NAA25: variants seen among roughly 807,000 people sequenced by gnomAD.
The protein encoded by NAA25 is N-alpha-acetyltransferase 25, NatB auxiliary subunit.
NAA25 carries 30 observed loss-of-function variants against 132.5 expected under a neutral mutation model. The ratio of observed to expected loss-of-function variants is 0.23; its 90% CI spans 0.17 to 0.31. The LOEUF (loss-of-function observed/expected upper bound fraction) is 0.31, where lower values mean the gene tolerates loss of function less well. Ranked by LOEUF, NAA25 falls within the 10% of genes least tolerant of loss-of-function variation. NAA25 has a pLI of 1.00. For missense variants in NAA25, 771 were observed against 1,150.4 expected (o/e 0.67, Z 4.77); for synonymous variants, 359 against 401.9 (o/e 0.89, Z 1.28).
At chr12:112,100,614 C>CTTTTTTTTTTTT (rs71083200) in intron 1 of NAA25, among the ~76,000 whole-genome samples, 2 of 100,628 alleles carry the variant, frequency 2.0e-5, no homozygotes, top group African/African-American at 4.0e-5. Context: ...ATTCCATTGT[C>CTTTTTTTTTTTT]TTTTTTTTTT....
rs1193128105 is a variant in NAA25 at position 112,092,240 on chromosome 12, C to CA, written c.144+810dup. 6.6e-4 allele frequency among the ~76,000 whole-genome samples: 88 copies of CA among 133,628 alleles called. No individual in the cohort carries two copies. The East Asian group carries it at 0.011, about 17-fold the overall frequency. The allele number at this position is 133,628 out of a possible 152,430, so 87.7% of individuals were successfully genotyped here. A position where few individuals can be genotyped will look rare whatever the true frequency, so the allele number is the denominator to read the frequency against. ...TGGGCAACACAGCAAGACTCCATCT[C>CA]AAAAAAGAAAAAAAAAACGAAAAAA... is the stretch of plus-strand genomic sequence containing the variant. On this transcript the variant is annotated intron_variant, in intron 2 of 23. Transcript: ENST00000261745.
At chr12:112,066,594 C>A (rs754784812) in intron 11 of NAA25, among the ~76,000 whole-genome samples, 1 of 152,224 alleles carries the variant, frequency 6.6e-6, no homozygotes, top group Non-Finnish European at 1.5e-5. Context: ...CTCCACTCAA[C>A]CATTTTTCCC....
intron 17 of NAA25, among the ~76,000 whole-genome samples, chr12:112,045,284 G>A (rs11831859): frequency 6.6e-6 from 1 of 152,008 alleles, no homozygotes; most frequent in Admixed American, 6.6e-5. Flanking sequence ...GAGGTCAGGA[G>A]ATCGAGACCA....
chr12:112,062,087 G>T (rs1222348685), intron 11 of NAA25, among the ~76,000 whole-genome samples: 1 of 152,050 alleles, frequency 6.6e-6, no homozygotes, highest in Non-Finnish European at 1.5e-5. Flanking sequence ...ATCCTATTAA[G>T]ATGCCAGTAA....
intron 4 of NAA25, among the ~76,000 whole-genome samples, chr12:112,086,069 TATATAC>T (rs1263731465): frequency 3.4e-5 from 2 of 58,468 alleles, no homozygotes; most frequent in East Asian, 3.7e-3. Flanking sequence ...TATATATATA[TATATAC>T]ACACACACAC....
intron 1 of NAA25, among the ~76,000 whole-genome samples, chr12:112,106,832 A>AATCCCAGC (rs942750443): frequency 1.3e-5 from 2 of 151,938 alleles, no homozygotes; most frequent in African/African-American, 4.8e-5. Flanking sequence ...GGGCACCTGT[A>AATCCCAGC]ATCCCAGCTA....
At chr12:112,039,094 A>C (rs1795365693) in intron 22 of NAA25, 135 bp downstream of exon 22, 1 of 489,280 alleles carries the variant, frequency 2.0e-6, no homozygotes, top group Admixed American at 4.0e-5. Flanking sequence ...ACGCATTCAA[A>C]GTCATCGTGG....
chr12:112,102,172 CAA>C (rs2079304844), intron 1 of NAA25, among the ~76,000 whole-genome samples: 1 of 151,918 alleles, frequency 6.6e-6, no homozygotes, highest in Admixed American at 6.6e-5. Flanking sequence ...GCCTGGGCGA[CAA>C]GAGTGAAACT....
Position 112,054,462 on chromosome 12 carries a change from C to T in NAA25, c.1554G>A (p.Met518Ile). 6.2e-7 allele frequency: 1 copy of T among 1,614,138 alleles called. No homozygotes were observed. Among genetic ancestry groups the T allele is most frequent in the South Asian group, 1.1e-5 (1 of 91,084 alleles). Reference protein sequence around the residue: ...FKLLLVRIYCMLGAFEPVVDL... With the variant: ...FKLLLVRIYCILGAFEPVVDL... ...CCACCACTGGTTCAAATGCACCCAG[C>T]ATACAGTAGATTCGAACAAGCAGCA... The change falls in exon 14 of 24, where the codon ATG becomes ATA. Residue 518 changes from methionine (M) to isoleucine (I), a missense_variant. Physicochemically the swap from Met to Ile is conservative, Grantham distance 10. Around this residue, in one of 3 missense-constraint regions of NAA25, gnomAD observed 417 missense variants for 733.8 expected, o/e 0.57. Coordinates refer to ENST00000261745, the MANE Select transcript of NAA25 (RefSeq NM_024953.4).
chr12:112,097,104 C>T (rs1169913500), intron 1 of NAA25: 1 of 152,194 alleles, frequency 6.6e-6, no homozygotes, highest in East Asian at 1.9e-4. Flanking sequence ...CAGCCCACCC[C>T]AGGTTGGACA....
At chr12:112,075,450 A>G (rs904476567) in intron 8 of NAA25, among the ~76,000 whole-genome samples, 2 of 152,158 alleles carry the variant, frequency 1.3e-5, no homozygotes, top group Admixed American at 1.3e-4. Flanking sequence ...TGGCCTCTCA[A>G]AGTGCTGGGA....
In NAA25 at chr12:112,048,461, C is replaced by T; in HGVS notation, c.1729-18G>A. ...TCTGAGGTCTGAGAAGGAAAGACAT[C>T]ACCTTGGTATAAATAGTTCACAAGT... On this transcript the variant is annotated intron_variant, in intron 15 of 23. Coordinates refer to ENST00000261745, the MANE Select transcript of NAA25 (RefSeq NM_024953.4). 1.9e-6 allele frequency: 3 copies of T among 1,611,210 alleles called. No individual in the cohort carries two copies. Among genetic ancestry groups the T allele is most frequent in the Non-Finnish European group, 2.5e-6 (3 of 1,177,894 alleles).
intron 17 of NAA25, among the ~76,000 whole-genome samples, chr12:112,046,256 T>C (rs2078379495): frequency 6.6e-6 from 1 of 152,208 alleles, no homozygotes; most frequent in Non-Finnish European, 1.5e-5. Context: ...GCAGGAACAT[T>C]CCACCTGTGT....
chr12:112,029,534 A>T lies in NAA25; in HGVS notation c.2916T>A (p.Ile972=). The change falls in exon 24 of 24, where the codon ATT becomes ATA. Residue 972 remains isoleucine (I), a synonymous_variant. Coordinates refer to ENST00000261745, the MANE Select transcript of NAA25 (RefSeq NM_024953.4). ...AGTGCCCATGATAGATACTTCCTTA[A>T]ATTTTTAGTTTCTTTGTGGTCTCAA... ...KRLETTKKLK[I] The T allele has an allele frequency of 6.2e-7, 1 of 1,613,770 alleles. No homozygotes were observed. The highest frequency in any genetic ancestry group is 8.5e-7 in the Non-Finnish European group (1 of 1,179,846).
intron 4 of NAA25, among the ~76,000 whole-genome samples, chr12:112,086,761 C>T (rs529072303): frequency 9.1e-4 from 139 of 152,056 alleles, no homozygotes; most frequent in African/African-American, 3.3e-3. Context: ...CCTGTAATCC[C>T]ACCACTTTGA....
intron 1 of NAA25, among the ~76,000 whole-genome samples, chr12:112,099,587 G>C (rs1347121706): frequency 6.6e-6 from 1 of 152,144 alleles, no homozygotes; most frequent in African/African-American, 2.4e-5. Context: ...TCATTGGCAA[G>C]ACACTATCAA....
At position 112,039,259 on chromosome 12, in the gene NAA25, T is replaced by C. The variant is rs920881633; in HGVS notation, c.2619A>G (p.Lys873=). 7 of 1,605,420 alleles carry C rather than the reference T, an allele frequency of 4.4e-6. No homozygotes were observed. The highest frequency in any genetic ancestry group is 6.0e-6 in the Non-Finnish European group (7 of 1,176,006). ...TGATGCTGGTTTCTTTTTTCTTCTTTTTCTTTTTCTGTAAATTTAGTTTGT... is the reference window on the plus strand; with the variant it reads ...TGATGCTGGTTTCTTTTTTCTTCTTCTTCTTTTTCTGTAAATTTAGTTTGT... ...RPYKLNLQKK[K]KKKKETSIIM... is the part of the protein sequence containing the mutation. Residue 873 remains lysine (K), a synonymous_variant, in exon 22 of 24, where the codon AAA becomes AAG. Coordinates refer to ENST00000261745, the MANE Select transcript of NAA25 (RefSeq NM_024953.4).
intron 2 of NAA25, among the ~76,000 whole-genome samples, chr12:112,092,740 C>T (rs1433315017): frequency 4.7e-5 from 7 of 148,600 alleles, no homozygotes; most frequent in Admixed American, 4.1e-4. Flanking sequence ...TGCAATGGTG[C>T]GATCTCCGCT....
intron 3 of NAA25, among the ~76,000 whole-genome samples, chr12:112,088,470 C>T (rs533329265): frequency 8.2e-4 from 124 of 151,214 alleles, no homozygotes; most frequent in African/African-American, 2.8e-3. Flanking sequence ...GTTCTGCAGG[C>T]ACATACCACC....
Sources: gnomAD v4.1 joint callset for allele counts (sites outside exome capture counted in the v4.1 genomes callset) on GRCh38, gnomAD v4.1.1 for gene constraint, gnomAD v4.1.1 regional missense constraint, MANE v1.5 for transcripts, NCBI Gene and HGNC (gene_info 2026-07-23, HGNC 2026-07-21) for gene names.